The following SYNE2 variants were observed in gnomAD, a reference collection of about 807,000 sequenced individuals.
SYNE2 encodes nesprin-2.
A neutral mutation model predicts 856.3 loss-of-function variants in SYNE2; 431 were observed. The ratio of observed to expected loss-of-function variants is 0.50; its 90% CI spans 0.47 to 0.55. The LOEUF (loss-of-function observed/expected upper bound fraction) is 0.55, where lower values mean the gene tolerates loss of function less well. SYNE2 is among the 20% of genes least tolerant of loss of function. The probability of loss-of-function intolerance (pLI) is 0.00; values close to 1 mark genes in which losing one functional copy is unlikely to be tolerated. For missense variants in SYNE2, 8,129 were observed against 8,023.2 expected (o/e 1.01, Z -0.50); for synonymous variants, 2,923 against 2,872.3 (o/e 1.02, Z -0.56).
chr14:64,033,433 C>T (rs11621028), intron 45 of SYNE2, among the ~76,000 whole-genome samples: 114,801 of 151,584 alleles, frequency 0.76, 45,519 homozygotes, highest in Non-Finnish European at 0.88. Flanking sequence ...AATCTCAGCA[C>T]GTGAGGAGGC....
rs12884607 is a variant in SYNE2 at position 63,967,570 on chromosome 14, G to A, written c.991-139G>A. On this transcript the variant is annotated intron_variant, in intron 10 of 115. Coordinates refer to ENST00000555002, the MANE Select transcript of SYNE2 (RefSeq NM_182914.3). ...CTGAAGAAGGAAACCAGAGCAGAGA[G>A]AGGATACTGGATTCAGGGGATTTTA... 58,031 of 783,284 alleles carry A rather than the reference G, an allele frequency of 0.074. 2,413 individuals are homozygous for A. The highest frequency in any genetic ancestry group is 0.12 in the Admixed American group (4,678 of 37,424). The allele number at this position is 783,284 out of a possible 1,614,324, so 48.5% of individuals were successfully genotyped here.
At chr14:64,195,178 G>T (rs1412318932) in intron 99 of SYNE2, among the ~76,000 whole-genome samples, 2 of 152,130 alleles carry the variant, frequency 1.3e-5, no homozygotes, top group Non-Finnish European at 1.5e-5. Flanking sequence ...TTCAGTATCT[G>T]ATACAGGTTG....
At chr14:64,216,415 G>A in intron 108 of SYNE2, 28 bp downstream of exon 108, 1 of 1,611,078 alleles carries the variant, frequency 6.2e-7, no homozygotes. Flanking sequence ...TGGGAGTACA[G>A]CCTATGTCTG....
chr14:64,213,096 A>G (rs1011905311), intron 105 of SYNE2, 91 bp downstream of exon 105: 1 of 1,272,234 alleles, frequency 7.9e-7, no homozygotes, highest in South Asian at 1.3e-5. Flanking sequence ...CTGTCTTATA[A>G]TGGTTAATTA....
At chr14:63,798,264 C>T (rs950325992) in intron 1 of SYNE2, among the ~76,000 whole-genome samples, 2 of 152,028 alleles carry the variant, frequency 1.3e-5, no homozygotes, top group African/African-American at 2.4e-5. Flanking sequence ...TGCCCAGGAT[C>T]GTCTCAAACT....
intron 81 of SYNE2, 90 bp from the exon 82 acceptor site, chr14:64,141,852 C>A (rs1567440181): frequency 2.6e-6 from 4 of 1,509,612 alleles, no homozygotes; most frequent in Middle Eastern, 1.8e-4. Flanking sequence ...ATAGCAAGAC[C>A]TTTTATCAAA....
At position 64,022,876 on chromosome 14, in the gene SYNE2, T is replaced by A. The variant is rs138898760; in HGVS notation, c.5637+13T>A. The A allele has an allele frequency of 1.7e-4, 241 of 1,391,910 alleles. No homozygotes were observed. The East Asian group carries it at 5.7e-3, about 33-fold the overall frequency. The allele number at this position is 1,391,910 out of a possible 1,614,324, so 86.2% of individuals were successfully genotyped here. ...ACAAAAACTTTCTGTAAGAGATATA[T>A]GTGTATTTTTAATAAAAATTTTCAA... On this transcript the variant is annotated intron_variant, in intron 38 of 115. Transcript: ENST00000555002.
intron 99 of SYNE2, among the ~76,000 whole-genome samples, chr14:64,193,833 A>G (rs1437531162): frequency 6.6e-6 from 1 of 152,212 alleles, no homozygotes; most frequent in Non-Finnish European, 1.5e-5. Flanking sequence ...CACATAGATT[A>G]TTTCATTTGA....
intron 1 of SYNE2, among the ~76,000 whole-genome samples, chr14:63,863,603 AC>A (rs1242980586): frequency 6.6e-6 from 1 of 151,828 alleles, no homozygotes; most frequent in African/African-American, 2.4e-5. Flanking sequence ...ACAAATAAAA[AC>A]CCCCCACAAC....
chr14:64,192,905 C>T (rs922199832), intron 99 of SYNE2, among the ~76,000 whole-genome samples: 8 of 152,156 alleles, frequency 5.3e-5, no homozygotes, highest in Middle Eastern at 3.2e-3. Context: ...AAAGCAAGGG[C>T]CAGGCTGAGA....
intron 1 of SYNE2, among the ~76,000 whole-genome samples, chr14:63,818,227 C>T (rs189828136): frequency 4.0e-5 from 6 of 150,494 alleles, no homozygotes; most frequent in Admixed American, 2.0e-4. Context: ...CCCAGCTACT[C>T]GGGAATCTGA....
intron 1 of SYNE2, among the ~76,000 whole-genome samples, chr14:63,807,479 G>T (rs1014686949): frequency 6.6e-6 from 1 of 151,934 alleles, no homozygotes; most frequent in Non-Finnish European, 1.5e-5. Flanking sequence ...TCTTGGAAAA[G>T]GATATCTTGT....
At chr14:64,170,529 C>A in intron 94 of SYNE2, 67 bp downstream of exon 94, 1 of 1,468,480 alleles carries the variant, frequency 6.8e-7, no homozygotes, top group Non-Finnish European at 9.3e-7. Context: ...GTTCATTCAC[C>A]TTTGGTTTAA....
chr14:63,922,784 A>G (rs11621026), intron 2 of SYNE2, among the ~76,000 whole-genome samples: 79,636 of 152,140 alleles, frequency 0.52, 23,088 homozygotes, highest in Non-Finnish European at 0.64. Context: ...CAAGTATTTC[A>G]CAAAGTGAGA....
chr14:64,121,613 T>G (rs1025298391), intron 68 of SYNE2, among the ~76,000 whole-genome samples: 1 of 152,214 alleles, frequency 6.6e-6, no homozygotes, highest in African/African-American at 2.4e-5. Context: ...GTGCAGAAAC[T>G]CTGAGAGTTT....
At chr14:64,114,899 C>T (rs972967995) in intron 66 of SYNE2, among the ~76,000 whole-genome samples, 5 of 152,166 alleles carry the variant, frequency 3.3e-5, no homozygotes, top group African/African-American at 9.7e-5. Flanking sequence ...GGATTACAGG[C>T]GTGAGCTATC....
At chr14:63,831,300 C>A (rs1889659007) in intron 1 of SYNE2, among the ~76,000 whole-genome samples, 1 of 152,042 alleles carries the variant, frequency 6.6e-6, no homozygotes, top group Admixed American at 6.6e-5. Flanking sequence ...GACACCTTGA[C>A]TAAATATAGA....
At position 64,101,325 on chromosome 14, in the gene SYNE2, T is replaced by C. The variant is rs543613406; in HGVS notation, c.12382-607T>C. Among the ~76,000 whole-genome samples the C allele has an allele frequency of 2.0e-5, 3 of 152,278 alleles. No homozygotes were observed. The South Asian group carries it at 6.2e-4, about 32-fold the overall frequency. On this transcript the variant is annotated intron_variant, in intron 63 of 115. Transcript: ENST00000555002. ...TTTTTATATAAGCCATTCTAACAGGTGTAAAGTAGTATCTCACTGTGGTTT... is the reference window on the plus strand; with the variant it reads ...TTTTTATATAAGCCATTCTAACAGGCGTAAAGTAGTATCTCACTGTGGTTT...
intron 1 of SYNE2, among the ~76,000 whole-genome samples, chr14:63,837,915 T>A (rs564239344): frequency 1.2e-5 from 1 of 84,274 alleles, no homozygotes; most frequent in African/African-American, 4.6e-5. Flanking sequence ...TGAGACTCTG[T>A]TTCAAAAAAA....
Sources: gnomAD v4.1 joint callset for allele counts (sites outside exome capture counted in the v4.1 genomes callset) on GRCh38, gnomAD v4.1.1 for gene constraint, MANE v1.5 for transcripts, NCBI Gene and HGNC (gene_info 2026-07-23, HGNC 2026-07-21) for gene names.